The following PCDHGA1 variants were observed in gnomAD, a reference collection of about 807,000 sequenced individuals.
PCDHGA1 encodes the protein protocadherin gamma-A1.
A neutral mutation model predicts 58.0 loss-of-function variants in PCDHGA1; 32 were observed. That is an observed-to-expected ratio of 0.55 (90% CI 0.42 to 0.74). The LOEUF (loss-of-function observed/expected upper bound fraction) is 0.74. PCDHGA1 is among the 30% of genes least tolerant of loss of function. PCDHGA1 has a pLI of 0.00. For missense variants in PCDHGA1, 1,205 were observed against 1,182.3 expected, an observed-to-expected ratio of 1.02 and a Z score of -0.28; for synonymous variants, 498 against 501.1, an observed-to-expected ratio of 0.99 and a Z score of 0.08.
Position 141,432,691 on chromosome 5 carries a change from G to A in PCDHGA1, c.2422-62116G>A, listed in dbSNP as rs1308174141. Reference sequence around the variant, plus strand: ...ACGCGCTCAAGCAGAGCCTCGTAGTGGCCGTCCAGGACCACGGCCAGCCCC... The same window carrying A: ...ACGCGCTCAAGCAGAGCCTCGTAGTAGCCGTCCAGGACCACGGCCAGCCCC... On this transcript the variant is annotated intron_variant, in intron 1 of 3. Transcript: ENST00000517417. The surrounding 1 kb of genome is among the most constrained non-coding windows in gnomAD (Gnocchi z 6.0). 1 of 1,613,942 alleles carries A rather than the reference G, an allele frequency of 6.2e-7. No individual in the cohort carries two copies. Among genetic ancestry groups the A allele is most frequent in the South Asian group, 1.1e-5 (1 of 91,068 alleles).
At chr5:141,500,190 TTA>T (rs551092091) in intron 2 of PCDHGA1, among the ~76,000 whole-genome samples, 3 of 110,960 alleles carry the variant, frequency 2.7e-5, no homozygotes, top group Non-Finnish European at 3.9e-5. Context: ...TTATTTTTAT[TTA>T]TTTATTTATT....
intron 1 of PCDHGA1, among the ~76,000 whole-genome samples, chr5:141,444,982 A>G (rs10066383): frequency 7.1e-4 from 108 of 152,272 alleles, no homozygotes; most frequent in African/African-American, 2.5e-3. Flanking sequence ...ATCCATGAAC[A>G]TGGTATATAT....
In PCDHGA1 at chr5:141,511,188, C is replaced by A; in HGVS notation, c.*15C>A. 1 of 1,613,804 alleles carries A rather than the reference C, an allele frequency of 6.2e-7. No homozygotes were observed. ...AGAAGAAGTAACATGGAGGCCAGGC[C>A]AAGAGCCACAGGGCGGCCTCTCCCC... On this transcript the variant is annotated 3_prime_UTR_variant, in exon 4 of 4. Transcript: ENST00000517417.
intron 1 of PCDHGA1, chr5:141,344,079 C>A: frequency 6.2e-7 from 1 of 1,610,426 alleles, no homozygotes; most frequent in Non-Finnish European, 8.5e-7. Context: ...ACTGGCCCTG[C>A]TGTGCGCGCT....
At chr5:141,482,239 A>G (rs529504334) in intron 1 of PCDHGA1, among the ~76,000 whole-genome samples, 31 of 152,332 alleles carry the variant, frequency 2.0e-4, no homozygotes, top group Middle Eastern at 3.4e-3. Context: ...TGCCAATATA[A>G]GTATAGTACT....
chr5:141,500,839 G>A (rs2099802871), intron 2 of PCDHGA1, among the ~76,000 whole-genome samples: 1 of 151,906 alleles, frequency 6.6e-6, no homozygotes, highest in African/African-American at 2.4e-5. Flanking sequence ...ATGCTAATGG[G>A]CTTTTGCTAC....
chr5:141,344,196 G>C, intron 1 of PCDHGA1: 2 of 1,614,034 alleles, frequency 1.2e-6, no homozygotes, highest in Non-Finnish European at 1.7e-6. Flanking sequence ...CCTGGGGCTA[G>C]AGCCCCGGGA....
intron 1 of PCDHGA1, among the ~76,000 whole-genome samples, chr5:141,468,788 C>T (rs2099179417): frequency 6.6e-6 from 1 of 151,926 alleles, no homozygotes; most frequent in Admixed American, 6.6e-5. Context: ...ATGGCGTGAA[C>T]CCGGGAGGCG....
chr5:141,383,900 T>C (rs766644204), intron 1 of PCDHGA1: 6 of 1,613,976 alleles, frequency 3.7e-6, no homozygotes, highest in Non-Finnish European at 5.1e-6. Context: ...GCAAAAGTAC[T>C]GATCACAGTT....
intron 2 of PCDHGA1, among the ~76,000 whole-genome samples, chr5:141,496,582 G>C (rs991035985): frequency 6.6e-6 from 1 of 152,100 alleles, no homozygotes; most frequent in Non-Finnish European, 1.5e-5. Flanking sequence ...TTTTAGGAAC[G>C]CAAAGCGCTT....
chr5:141,401,672 T>A (rs1468956975), intron 1 of PCDHGA1, among the ~76,000 whole-genome samples: 1 of 152,222 alleles, frequency 6.6e-6, no homozygotes, highest in African/African-American at 2.4e-5. Context: ...CTCAACATCC[T>A]TGTAGGATGG....
At chr5:141,366,608 A>G (rs1387759369) in intron 1 of PCDHGA1, 1 of 1,614,110 alleles carries the variant, frequency 6.2e-7, no homozygotes, top group Non-Finnish European at 8.5e-7. Context: ...GGTCTCCCTC[A>G]CCGCGGACTC....
At chr5:141,410,105 A>G in intron 1 of PCDHGA1, 1 of 1,612,376 alleles carries the variant, frequency 6.2e-7, no homozygotes, top group South Asian at 1.1e-5. Context: ...CTTAGGCGAC[A>G]GGGACGCAGC....
intron 1 of PCDHGA1, chr5:141,423,750 TGG>T (rs144521096): frequency 3.2e-4 from 92 of 287,850 alleles, no homozygotes; most frequent in South Asian, 5.2e-4. Context: ...GAAAACTGTT[TGG>T]GGGGGGGGTG....
Position 141,366,497 on chromosome 5 carries a change from C to T in PCDHGA1, c.2421+33392C>T, listed in dbSNP as rs776618534. On this transcript the variant is annotated intron_variant, in intron 1 of 3. Transcript: ENST00000517417. ...CAGACTGAGGCGCTGGCACAAGTCA[C>T]GCCTGCTTCAGGCTGAAGGCAGCAG... 5.0e-6 allele frequency: 8 copies of T among 1,614,136 alleles called. No individual in the cohort carries two copies. In the African/African-American group the frequency reaches 8.0e-5, roughly 16 times the overall value.
At chr5:141,400,154 T>G in intron 1 of PCDHGA1, 1 of 1,614,076 alleles carries the variant, frequency 6.2e-7, no homozygotes, top group Non-Finnish European at 8.5e-7. Context: ...GACCGCCCTG[T>G]ACCCTCTGAC....
chr5:141,349,181 T>C (rs577571036), intron 1 of PCDHGA1, among the ~76,000 whole-genome samples: 94 of 152,272 alleles, frequency 6.2e-4, no homozygotes, highest in Middle Eastern at 3.4e-3. Flanking sequence ...GTGATTCTGC[T>C]GCCTCAACCT....
intron 1 of PCDHGA1, chr5:141,478,260 T>C (rs1340624663): frequency 6.2e-7 from 1 of 1,614,182 alleles, no homozygotes; most frequent in East Asian, 2.2e-5. Context: ...GTAATCATAT[T>C]CAAAGTTTAC....
intron 1 of PCDHGA1, chr5:141,362,629 G>C: frequency 1.3e-6 from 2 of 1,492,810 alleles, no homozygotes; most frequent in Non-Finnish European, 1.8e-6. Flanking sequence ...GTTCCACTGC[G>C]TATTTCTTTG....
Sources: allele counts gnomAD v4.1 joint callset (sites outside exome capture counted in the v4.1 genomes callset), GRCh38; gene constraint gnomAD v4.1.1; non-coding constraint Gnocchi (gnomAD v3.1); transcripts MANE v1.5; gene names NCBI Gene and HGNC (gene_info 2026-07-23, HGNC 2026-07-21).